CNTN1: variants seen among roughly 807,000 people sequenced by gnomAD.
CNTN1 encodes the protein contactin-1.
Under a neutral mutation model 126.4 loss-of-function variants are expected in CNTN1, and 38 were observed. The ratio of observed to expected loss-of-function variants is 0.30; its 90% CI spans 0.23 to 0.39. CNTN1 has a LOEUF of 0.39. CNTN1 is among the 10% of genes least tolerant of loss of function. CNTN1 has a pLI of 1.00. For synonymous variants in CNTN1, 413 were observed against 422.6 expected (o/e 0.98, Z 0.28); for missense variants, 1,009 against 1,248.4 (o/e 0.81, Z 2.89).
At chr12:40,821,841 AAGGGAAAT>A (rs1345926598) in intron 1 of CNTN1, among the ~76,000 whole-genome samples, 1 of 152,114 alleles carries the variant, frequency 6.6e-6, no homozygotes, top group Non-Finnish European at 1.5e-5. Context: ...ACCATCTTAA[AAGGGAAAT>A]AGAAACTGAA....
intron 3 of CNTN1, among the ~76,000 whole-genome samples, chr12:40,911,122 C>T (rs544619191): frequency 6.6e-6 from 1 of 152,152 alleles, no homozygotes; most frequent in East Asian, 1.9e-4. Flanking sequence ...GCTCTGTCAC[C>T]CAGGCTGGAG....
At chr12:40,775,271 T>TA (rs1592073417) in intron 1 of CNTN1, among the ~76,000 whole-genome samples, 1 of 151,418 alleles carries the variant, frequency 6.6e-6, no homozygotes, top group Non-Finnish European at 1.5e-5. Context: ...AGACCACAAT[T>TA]AAATGTTTTT....
At chr12:41,011,879 G>A (rs1290079382) in intron 17 of CNTN1, among the ~76,000 whole-genome samples, 2 of 152,220 alleles carry the variant, frequency 1.3e-5, no homozygotes, top group African/African-American at 4.8e-5. Flanking sequence ...ATTGGAGGCA[G>A]AATAGGTATC....
chr12:40,710,380 G>T (rs1234747065), intron 1 of CNTN1, among the ~76,000 whole-genome samples: 1 of 151,988 alleles, frequency 6.6e-6, no homozygotes, highest in East Asian at 1.9e-4. Flanking sequence ...AATTACAATA[G>T]TAAAATCAAA....
At chr12:41,048,560 A>G (rs1241559407) in intron 23 of CNTN1, among the ~76,000 whole-genome samples, 1 of 152,164 alleles carries the variant, frequency 6.6e-6, no homozygotes, top group African/African-American at 2.4e-5. Flanking sequence ...ATATTGCTTC[A>G]ACTACCCTTT....
At chr12:40,764,113 AG>A (rs1167544813) in intron 1 of CNTN1, among the ~76,000 whole-genome samples, 2 of 152,206 alleles carry the variant, frequency 1.3e-5, no homozygotes, top group African/African-American at 2.4e-5. Flanking sequence ...CAAACTTAAT[AG>A]AAGGGGTACT....
In CNTN1 at chr12:40,798,387, A is replaced by G. The variant is rs548713733; in HGVS notation, c.-77+105795A>G. Among the ~76,000 whole-genome samples, 8 of 152,166 alleles carry G rather than the reference A, an allele frequency of 5.3e-5. No individual in the cohort carries two copies. In the South Asian group the frequency reaches 1.7e-3, roughly 32 times the overall value. The stretch of plus-strand genomic sequence containing the variant: ...GTACTTTCTTAGTCAATCTTGCCCA[A>G]CTAAAGACTTTTTTTCAGACAAACA... On this transcript the variant is annotated intron_variant, in intron 1 of 23. Coordinates refer to ENST00000551295, the MANE Select transcript of CNTN1 (RefSeq NM_001843.4).
At chr12:40,792,143 A>G (rs1348780388) in intron 1 of CNTN1, among the ~76,000 whole-genome samples, 1 of 152,064 alleles carries the variant, frequency 6.6e-6, no homozygotes, top group Non-Finnish European at 1.5e-5. Flanking sequence ...AAAGAACAAT[A>G]GGGGCTGGAG....
chr12:40,836,211 T>A (rs1002759047), intron 1 of CNTN1, among the ~76,000 whole-genome samples: 2 of 148,116 alleles, frequency 1.4e-5, no homozygotes, highest in Non-Finnish European at 3.0e-5. Context: ...ATAATATATA[T>A]GTATATATTG....
chr12:41,044,724 C>T (rs967722939), intron 23 of CNTN1, among the ~76,000 whole-genome samples: 14 of 151,876 alleles, frequency 9.2e-5, no homozygotes, highest in South Asian at 4.2e-4. Flanking sequence ...TGGAAAAGGA[C>T]GTCAGAAATT....
At chr12:40,770,976 T>C (rs188478581) in intron 1 of CNTN1, among the ~76,000 whole-genome samples, 23 of 152,276 alleles carry the variant, frequency 1.5e-4, no homozygotes, top group Admixed American at 2.6e-4. Context: ...TTTTAATTCA[T>C]TGTTTTCCAA....
chr12:41,019,996 AAT>A (rs1194216889), intron 19 of CNTN1, among the ~76,000 whole-genome samples: 11 of 151,976 alleles, frequency 7.2e-5, no homozygotes, highest in African/African-American at 2.7e-4. Flanking sequence ...AAATTAAAAA[AAT>A]AGTTTTTTTT....
chr12:40,850,649 C>G (rs1178019902), intron 1 of CNTN1, among the ~76,000 whole-genome samples: 1 of 151,754 alleles, frequency 6.6e-6, no homozygotes, highest in Non-Finnish European at 1.5e-5. Flanking sequence ...AAAATATGAG[C>G]TAGTCTTTAT....
At chr12:40,853,479 A>G (rs1382379893) in intron 1 of CNTN1, among the ~76,000 whole-genome samples, 1 of 152,098 alleles carries the variant, frequency 6.6e-6, no homozygotes, top group Non-Finnish European at 1.5e-5. Flanking sequence ...CATCCTTTGT[A>G]TTTGATCTGT....
chr12:40,810,303 C>G (rs1257704917), intron 1 of CNTN1, among the ~76,000 whole-genome samples: 1 of 152,072 alleles, frequency 6.6e-6, no homozygotes, highest in African/African-American at 2.4e-5. Context: ...GTTTTGATAT[C>G]TATATACAAA....
chr12:40,729,512 GAGTGCCTCATGCAA>G (rs1446708585), intron 1 of CNTN1: 23 of 215,952 alleles, frequency 1.1e-4, no homozygotes, highest in Admixed American at 9.7e-4. Flanking sequence ...GACCACGTAT[GAGTGCCTCATGCAA>G]GCCATCAATG....
chr12:40,913,733 G>A (rs1186559046), intron 3 of CNTN1, among the ~76,000 whole-genome samples: 1 of 152,150 alleles, frequency 6.6e-6, no homozygotes, highest in Non-Finnish European at 1.5e-5. Context: ...TCCCATTTGA[G>A]ATTATATAAG....
chr12:40,872,571 C>CT (rs35866838), intron 1 of CNTN1, among the ~76,000 whole-genome samples: 29,209 of 108,044 alleles, frequency 0.27, 5,526 homozygotes, highest in African/African-American at 0.48. Context: ...TTTTTTCTTT[C>CT]TTTTTTTTTT....
Position 40,807,358 on chromosome 12 carries a change from T to A in CNTN1, c.-76-100999T>A, listed in dbSNP as rs1940898153. Among the ~76,000 whole-genome samples, 3 of 152,108 alleles carry A rather than the reference T, an allele frequency of 2.0e-5. No homozygotes were observed. In the South Asian group the frequency reaches 6.2e-4, roughly 31 times the overall value. On this transcript the variant is annotated intron_variant, in intron 1 of 23. Transcript: ENST00000551295. ...ATCCCCATCCCTACATGGTGAGTAGTTCTCTAGTCTAGAGAGTATGGACCA... is the reference window on the plus strand; with the variant it reads ...ATCCCCATCCCTACATGGTGAGTAGATCTCTAGTCTAGAGAGTATGGACCA...
Sources: gnomAD v4.1 joint callset for allele counts (sites outside exome capture counted in the v4.1 genomes callset) on GRCh38, gnomAD v4.1.1 for gene constraint, MANE v1.5 for transcripts, NCBI Gene and HGNC (gene_info 2026-07-23, HGNC 2026-07-21) for gene names.